MFSD12: variants seen among roughly 807,000 people sequenced by gnomAD.
The protein encoded by MFSD12 is major facilitator superfamily domain containing 12.
A neutral mutation model predicts 51.2 loss-of-function variants in MFSD12; 67 were observed. The observed-to-expected ratio is 1.31, with a 90% CI of 1.08 to 1.60. The LOEUF (loss-of-function observed/expected upper bound fraction) is 1.60. Ranked by LOEUF, MFSD12 falls within the 40% of genes most tolerant of loss-of-function variation. The pLI, the probability that MFSD12 is intolerant of heterozygous loss-of-function variation, is 0.00. For synonymous variants in MFSD12, 441 were observed against 316.7 expected (o/e 1.39, Z -4.17); for missense variants, 921 against 673.0 (o/e 1.37, Z -4.08).
In MFSD12 at chr19:3,544,287, C is replaced by G; in HGVS notation, c.*423G>C. On this transcript the variant is annotated 3_prime_UTR_variant, in exon 10 of 10. Transcript: ENST00000355415. ...CACCACGGTGGGGTCCAGGCCCAGC[C>G]CACCACCCCGTGGCTGTCTCCTCCA... is the stretch of plus-strand genomic sequence containing the variant. 17 of 1,291,142 alleles carry G rather than the reference C, an allele frequency of 1.3e-5. No individual in the cohort carries two copies. The highest frequency in any genetic ancestry group is 1.7e-5 in the Non-Finnish European group (17 of 1,020,128). The allele number at this position is 1,291,142 out of a possible 1,614,324, so 80.0% of individuals were successfully genotyped here.
chr19:3,547,144 TG>T, intron 6 of MFSD12, 127 bp downstream of exon 6: 2 of 832,542 alleles, frequency 2.4e-6, no homozygotes, highest in Non-Finnish European at 4.0e-6. Flanking sequence ...GGCCTAGATC[TG>T]GGGCTTCTAC....
At chr19:3,540,285 T>G (rs1055023024), downstream of MFSD12, among the ~76,000 whole-genome samples, 10 of 147,744 alleles carry the variant, frequency 6.8e-5, no homozygotes, top group Non-Finnish European at 1.3e-4. Context: ...TTGGACGGAG[T>G]CTCACTCTTG....
At chr19:3,552,299 C>A (rs2031516397) in intron 1 of MFSD12, among the ~76,000 whole-genome samples, 1 of 151,552 alleles carries the variant, frequency 6.6e-6, no homozygotes, top group East Asian at 1.9e-4. Context: ...TCCCGAGTAG[C>A]TGGGACTACA....
chr19:3,556,914 G>A (rs1259341014), intron 1 of MFSD12, among the ~76,000 whole-genome samples, 192 bp downstream of exon 1: 1 of 152,092 alleles, frequency 6.6e-6, no homozygotes, highest in Non-Finnish European at 1.5e-5. Context: ...TCATAGGGCA[G>A]ACAGATACAT....
At chr19:3,550,943 G>C (rs2031437131) in intron 2 of MFSD12, 41 bp downstream of exon 2, 2 of 1,575,134 alleles carry the variant, frequency 1.3e-6, no homozygotes, top group Non-Finnish European at 1.7e-6. Context: ...CACCGAGCCG[G>C]GGCCCACCCT....
In MFSD12 at chr19:3,546,093, G is replaced by A. The variant is rs1029617046; in HGVS notation, c.1270C>T (p.Gln424Ter). 3.7e-6 allele frequency: 6 copies of A among 1,613,362 alleles called. No homozygotes were observed. Among genetic ancestry groups the A allele is most frequent in the Non-Finnish European group, 4.2e-6 (5 of 1,179,980 alleles). ...VANGLAVMAI[Q>*]SLHPCPSELC... Reference sequence around the variant, plus strand: ...ACTCACGGGCAAGGGTGCAGGCTCTGGATGGCCATGACTGCCAGCCCATTG... The same window carrying A: ...ACTCACGGGCAAGGGTGCAGGCTCTAGATGGCCATGACTGCCAGCCCATTG... Residue 424 changes from glutamine (Q) to a stop codon, truncating the protein, a stop_gained, in exon 8 of 10, where the codon CAG becomes TAG. Transcript: ENST00000355415. LOFTEE classifies it high-confidence loss of function.
intron 2 of MFSD12, among the ~76,000 whole-genome samples, chr19:3,550,277 G>A (rs1202669264): frequency 1.3e-5 from 2 of 151,480 alleles, no homozygotes; most frequent in African/African-American, 4.9e-5. Context: ...GGCTGAGTGT[G>A]GTGGCTCATG....
chr19:3,546,347 C>G lies in MFSD12; in HGVS notation c.1102G>C (p.Val368Leu), dbSNP rs201744425. 1.9e-6 allele frequency: 3 copies of G among 1,607,722 alleles called. No homozygotes were observed. The South Asian group carries it at 3.3e-5, about 18-fold the overall frequency. The change falls in exon 7 of 10, where the codon GTG becomes CTG. Residue 368 changes from valine to leucine, a missense_variant. Physicochemically the swap from Val to Leu is conservative, Grantham distance 32. Coordinates refer to ENST00000355415, the MANE Select transcript of MFSD12 (RefSeq NM_174983.5). Reference sequence around the variant, plus strand: ...CCCAGCAGCACAGCCGCTGCGTACACGGCCACACCCAGTCCCTCCGCCAGC... The same window carrying G: ...CCCAGCAGCACAGCCGCTGCGTACAGGGCCACACCCAGTCCCTCCGCCAGC... ...VALAEGLGVA[V>L]YAAAVLLGAG...
In MFSD12 at chr19:3,546,350, C is replaced by T; in HGVS notation, c.1099G>A (p.Ala367Thr). ...WVALAEGLGV[A>T]VYAAAVLLGA... Reference sequence around the variant, plus strand: ...AGCAGCACAGCCGCTGCGTACACGGCCACACCCAGTCCCTCCGCCAGCGCC... The same window carrying T: ...AGCAGCACAGCCGCTGCGTACACGGTCACACCCAGTCCCTCCGCCAGCGCC... The change falls in exon 7 of 10, where the codon GCC becomes ACC. Residue 367 changes from alanine to threonine, a missense_variant. By Grantham distance (58) the Ala-to-Thr change is moderately conservative. Transcript: ENST00000355415. 6.2e-7 allele frequency: 1 copy of T among 1,607,810 alleles called. No homozygotes were observed. The highest frequency in any genetic ancestry group is 8.5e-7 in the Non-Finnish European group (1 of 1,177,950).
chr19:3,549,462 G>A (rs1161856420), intron 2 of MFSD12, among the ~76,000 whole-genome samples: 3 of 152,320 alleles, frequency 2.0e-5, no homozygotes, highest in South Asian at 2.1e-4. Flanking sequence ...GGTGGCTCAC[G>A]CCTGTAATCT....
chr19:3,541,731 C>T (rs775777436), downstream of MFSD12: 50 of 985,218 alleles, frequency 5.1e-5, no homozygotes, highest in Non-Finnish European at 5.9e-5. Context: ...GAGGAAACAC[C>T]AGAAAGTAGT....
intron 1 of MFSD12, among the ~76,000 whole-genome samples, chr19:3,554,450 CAA>C (rs1187548758): frequency 2.8e-4 from 20 of 71,730 alleles, no homozygotes; most frequent in Admixed American, 4.4e-4. Context: ...AACAACAAAA[CAA>C]AAAAAAAAAA....
intron 8 of MFSD12, among the ~76,000 whole-genome samples, chr19:3,545,203 C>A (rs534883921): frequency 3.3e-4 from 51 of 152,334 alleles, no homozygotes; most frequent in Admixed American, 1.4e-3. Context: ...CCCGCCTGCA[C>A]CCGCCCCGGT....
At chr19:3,543,413 C>T (rs559402942), downstream of MFSD12, 140 of 1,547,986 alleles carry the variant, frequency 9.0e-5, 2 homozygotes, top group Middle Eastern at 1.7e-3. Context: ...CAGCCCCTTC[C>T]GCGAGGCCTA....
intron 2 of MFSD12, 71 bp from the exon 3 acceptor site, chr19:3,548,338 G>A (rs545487341): frequency 1.7e-5 from 26 of 1,525,602 alleles, no homozygotes; most frequent in African/African-American, 2.8e-5. Context: ...ACGTGGCTAC[G>A]CCGTCAGAGA....
rs2030785425 is a variant in MFSD12, at chr19:3,544,612, A to C, written c.*98T>G. 2.4e-6 allele frequency: 3 copies of C among 1,259,918 alleles called. No individual in the cohort carries two copies. Among genetic ancestry groups the C allele is most frequent in the African/African-American group, 2.9e-5 (2 of 69,740 alleles). 78.0% of individuals were successfully genotyped at this position (1,259,918 alleles called of 1,614,324 possible). On this transcript the variant is annotated 3_prime_UTR_variant, in exon 10 of 10. Coordinates refer to ENST00000355415, the MANE Select transcript of MFSD12 (RefSeq NM_174983.5). ...GAGGATGGAGGGTGGGGGTCCAGAGAAGAGTGAGGGGCAGTGGGGGCTTTT... is the reference window on the plus strand; with the variant it reads ...GAGGATGGAGGGTGGGGGTCCAGAGCAGAGTGAGGGGCAGTGGGGGCTTTT...
At chr19:3,541,860 G>C (rs1568248516), downstream of MFSD12, 1 of 922,972 alleles carries the variant, frequency 1.1e-6, no homozygotes, top group Non-Finnish European at 1.3e-6. Flanking sequence ...CCAGGCTGGA[G>C]TGCAGTGACG....
chr19:3,540,865 C>G (rs1432829320), downstream of MFSD12, among the ~76,000 whole-genome samples: 1 of 114,222 alleles, frequency 8.8e-6, no homozygotes, highest in East Asian at 2.5e-4. Flanking sequence ...GAGCGAAACT[C>G]CATCTCAAAA....
chr19:3,545,320 C>CTG (rs958135360), intron 8 of MFSD12, among the ~76,000 whole-genome samples: 1 of 152,200 alleles, frequency 6.6e-6, no homozygotes, highest in Non-Finnish European at 1.5e-5. Flanking sequence ...CCACAGCTCT[C>CTG]TGTGAGTCCC....
Sources: allele counts gnomAD v4.1 joint callset (sites outside exome capture counted in the v4.1 genomes callset), GRCh38; gene constraint gnomAD v4.1.1; transcripts MANE v1.5; gene names NCBI Gene and HGNC (gene_info 2026-07-23, HGNC 2026-07-21).